Variants in PALM2AKAP2 observed in about 807,000 individuals in gnomAD.
PALM2AKAP2 encodes PALM2-AKAP2 fusion protein.
A neutral mutation model predicts 71.5 loss-of-function variants in PALM2AKAP2; 37 were observed. That is an observed-to-expected ratio of 0.52 (90% confidence interval 0.40 to 0.68). The LOEUF (loss-of-function observed/expected upper bound fraction) is 0.68, where lower values mean the gene tolerates loss of function less well. Ranked by LOEUF, PALM2AKAP2 falls within the 30% of genes least tolerant of loss-of-function variation. The pLI is 0.00. For synonymous variants in PALM2AKAP2, 468 were observed against 478.8 expected (o/e 0.98, Z 0.29); for missense variants, 1,224 against 1,191.8 (o/e 1.03, Z -0.40).
intron 6 of PALM2AKAP2, among the ~76,000 whole-genome samples, chr9:109,948,170 T>C (rs1390156233): frequency 6.6e-6 from 1 of 152,174 alleles, no homozygotes; most frequent in Admixed American, 6.5e-5. Flanking sequence ...AATGCAGATA[T>C]GTATCTGTGT....
intron 1 of PALM2AKAP2, among the ~76,000 whole-genome samples, chr9:110,056,323 G>C (rs1415831720): frequency 6.6e-6 from 1 of 152,236 alleles, no homozygotes. Context: ...ACTTTGTCTG[G>C]AGTGGTGCCT....
At chr9:110,017,799 C>T (rs1376105304) in intron 7 of PALM2AKAP2, among the ~76,000 whole-genome samples, 1 of 150,822 alleles carries the variant, frequency 6.6e-6, no homozygotes, top group African/African-American at 2.4e-5. Context: ...GCAGACTTGG[C>T]TCACTGCAAC....
chr9:110,128,789 C>G (rs898574303), intron 1 of PALM2AKAP2, among the ~76,000 whole-genome samples: 1 of 152,232 alleles, frequency 6.6e-6, no homozygotes, highest in African/African-American at 2.4e-5. Context: ...CCTTTCTGCT[C>G]TCCGCCTGGG....
rs111681992 is a variant in PALM2AKAP2 at position 109,831,142 on chromosome 9, T to TACACAC, written c.46-36313_46-36308dup. Among the ~76,000 whole-genome samples the TACACAC allele has an allele frequency of 1.7e-3, 228 of 135,050 alleles. 3 individuals carry two copies. Among genetic ancestry groups the TACACAC allele is most frequent in the African/African-American group, 4.4e-3 (167 of 38,028 alleles). 88.6% of individuals were successfully genotyped at this position (135,050 alleles called of 152,430 possible). ...CATTGATGGTTGTTAATACTTCCCCTACACACACACACACACACACACACA... is the reference window on the plus strand; with the variant it reads ...CATTGATGGTTGTTAATACTTCCCCTACACACACACACACACACACACACACACACA... On this transcript the variant is annotated intron_variant, in intron 1 of 9. Transcript: ENST00000302798.
chr9:110,072,325 C>G (rs1435997645), intron 1 of PALM2AKAP2, among the ~76,000 whole-genome samples: 4 of 152,184 alleles, frequency 2.6e-5, no homozygotes, highest in African/African-American at 9.7e-5. Flanking sequence ...TGGACCAGCT[C>G]TGTGGCTAAG....
intron 1 of PALM2AKAP2, among the ~76,000 whole-genome samples, chr9:110,069,698 TGAGGGAACAACA>T (rs1490204867): frequency 6.6e-6 from 1 of 152,140 alleles, no homozygotes; most frequent in African/African-American, 2.4e-5. Context: ...CAGGAGGCGC[TGAGGGAACAACA>T]GCTTCCACAT....
intron 1 of PALM2AKAP2, among the ~76,000 whole-genome samples, chr9:110,083,014 G>A (rs962111186): frequency 2.6e-5 from 4 of 152,120 alleles, no homozygotes; most frequent in African/African-American, 9.7e-5. Context: ...GGTGGCGCGT[G>A]CCTGTAATCC....
At chr9:109,815,773 G>T (rs1020293078) in intron 1 of PALM2AKAP2, among the ~76,000 whole-genome samples, 2 of 152,196 alleles carry the variant, frequency 1.3e-5, no homozygotes, top group African/African-American at 4.8e-5. Flanking sequence ...TCCCTAAGTG[G>T]TGTGGCTGTG....
chr9:109,918,595 G>C lies in PALM2AKAP2; in HGVS notation c.258-5140G>C, dbSNP rs1219190835. On this transcript the variant is annotated intron_variant, in intron 3 of 9. Coordinates refer to the PALM2AKAP2 transcript ENST00000302798. ...CTACTTGGCTCTTCCAGAGAAGACT[G>C]CATTAGATTTCAGTCATGAAACTAC... is the stretch of plus-strand genomic sequence containing the variant. Among the ~76,000 whole-genome samples the C allele has an allele frequency of 2.6e-5, 4 of 152,184 alleles. No individual in the cohort carries two copies. The East Asian group carries it at 7.7e-4, about 29-fold the overall frequency.
intron 1 of PALM2AKAP2, among the ~76,000 whole-genome samples, chr9:109,666,801 G>C (rs540186115): frequency 6.6e-6 from 1 of 152,342 alleles, no homozygotes; most frequent in South Asian, 2.1e-4. Flanking sequence ...GACAAAGGTG[G>C]TGACCCAGAG....
chr9:109,948,573 G>T (rs1831564706), intron 6 of PALM2AKAP2, among the ~76,000 whole-genome samples: 1 of 152,000 alleles, frequency 6.6e-6, no homozygotes. Flanking sequence ...TCTATTTTGG[G>T]TCTGTTTTCT....
At position 110,051,908 on chromosome 9, in the gene PALM2AKAP2, T is replaced by C. The variant is rs551027490; in HGVS notation, c.156+3053T>C. Among the ~76,000 whole-genome samples, 234 of 145,994 alleles carry C rather than the reference T, an allele frequency of 1.6e-3. 1 individual carries two copies. The highest frequency in any genetic ancestry group is 8.4e-3 in the East Asian group (43 of 5,092). ...AAGTTTGGGTAGCAAATTGCACCCT[T>C]TTTTTTTTTTTTGAAATGGAGTCTT... On this transcript the variant is annotated intron_variant, in intron 1 of 3. Coordinates refer to ENST00000374525, the Ensembl canonical transcript of PALM2AKAP2.
At chr9:109,957,987 C>A (rs990665043) in intron 6 of PALM2AKAP2, among the ~76,000 whole-genome samples, 1 of 152,152 alleles carries the variant, frequency 6.6e-6, no homozygotes, top group African/African-American at 2.4e-5. Flanking sequence ...TGTCATTGGC[C>A]AGCTGAGTAA....
chr9:110,118,790 C>G (rs1439433429), intron 1 of PALM2AKAP2, among the ~76,000 whole-genome samples: 3 of 152,186 alleles, frequency 2.0e-5, no homozygotes, highest in African/African-American at 7.2e-5. Context: ...CAGAGAAAAT[C>G]TCTGTGATCG....
At chr9:109,664,579 C>T (rs1420104098) in intron 1 of PALM2AKAP2, among the ~76,000 whole-genome samples, 1 of 152,178 alleles carries the variant, frequency 6.6e-6, no homozygotes, top group Non-Finnish European at 1.5e-5. Flanking sequence ...GATGGGCTTC[C>T]CTTTGTGGGT....
chr9:109,906,097 G>A (rs949728185), intron 3 of PALM2AKAP2, among the ~76,000 whole-genome samples: 3 of 152,206 alleles, frequency 2.0e-5, no homozygotes, highest in African/African-American at 7.2e-5. Flanking sequence ...GGAAGTGGCT[G>A]AGAGGTGGGC....
chr9:109,913,916 C>G (rs1215816838), intron 3 of PALM2AKAP2, among the ~76,000 whole-genome samples: 1 of 152,048 alleles, frequency 6.6e-6, no homozygotes, highest in Non-Finnish European at 1.5e-5. Context: ...GCCACTACGC[C>G]CAGCTAATTT....
At position 109,925,188 on chromosome 9, in the gene PALM2AKAP2, G is replaced by T. The variant is rs980058823; in HGVS notation, c.394+106G>T. On this transcript the variant is annotated intron_variant, in intron 5 of 9. Transcript: ENST00000302798. The stretch of plus-strand genomic sequence containing the variant: ...AAGAGGTACTGTGTTGATTTGTAAA[G>T]GCATCAGAAGAAGTAGCAGCGCTGG... The T allele has an allele frequency of 4.5e-6, 7 of 1,555,186 alleles. No individual in the cohort carries two copies. The Admixed American group carries it at 1.2e-4, about 26-fold the overall frequency.
intron 1 of PALM2AKAP2, among the ~76,000 whole-genome samples, chr9:109,684,452 T>C (rs577515386): frequency 1.3e-5 from 2 of 152,294 alleles, no homozygotes; most frequent in East Asian, 1.9e-4. Flanking sequence ...ACACACCTCA[T>C]TGGAGTTTCT....
Sources: gnomAD v4.1 joint callset for allele counts (sites outside exome capture counted in the v4.1 genomes callset) on GRCh38, gnomAD v4.1.1 for gene constraint, MANE v1.5 for transcripts, NCBI Gene and HGNC (gene_info 2026-07-23, HGNC 2026-07-21) for gene names.